The following STX12 variants were observed in gnomAD, a reference collection of about 807,000 sequenced individuals.
The protein encoded by STX12 is syntaxin 12, also known as syntaxin-12.
A neutral mutation model predicts 42.2 loss-of-function variants in STX12; 17 were observed. The observed-to-expected ratio is 0.40, with a 90% CI of 0.28 to 0.60. STX12 has a LOEUF of 0.60. STX12 is among the 20% of genes least tolerant of loss of function. The pLI, the probability that STX12 is intolerant of heterozygous loss-of-function variation, is 0.39. For synonymous variants in STX12, 108 were observed against 116.7 expected (o/e 0.93, Z 0.48); for missense variants, 297 against 330.9 (o/e 0.90, Z 0.79).
Position 27,822,385 on chromosome 1 carries a change from T to G in STX12, c.*56T>G, listed in dbSNP as rs571512235. The stretch of plus-strand genomic sequence containing the variant: ...TTTCAAGGGCAAGTGCTTGTTGAAG[T>G]CTTGCCAGAACAAACTGATCACAAG... On this transcript the variant is annotated 3_prime_UTR_variant, in exon 9 of 9. Coordinates refer to ENST00000373943, the MANE Select transcript of STX12 (RefSeq NM_177424.3). The G allele has an allele frequency of 8.8e-7, 1 of 1,141,294 alleles. No homozygotes were observed. The highest frequency in any genetic ancestry group is 1.3e-6 in the Non-Finnish European group (1 of 748,546). The allele number at this position is 1,141,294 out of a possible 1,614,324, so 70.7% of individuals were successfully genotyped here.
intron 6 of STX12, among the ~76,000 whole-genome samples, chr1:27,816,758 A>T (rs1018350794): frequency 6.6e-6 from 1 of 151,948 alleles, no homozygotes; most frequent in East Asian, 1.9e-4. Flanking sequence ...CTCTACTAAA[A>T]ATAAAAAATT....
chr1:27,792,032 TATAA>T (rs1482899300), intron 2 of STX12, among the ~76,000 whole-genome samples: 2 of 143,574 alleles, frequency 1.4e-5, no homozygotes, highest in Non-Finnish European at 3.0e-5. Context: ...ATATATAAAA[TATAA>T]ATATAGTATA....
chr1:27,776,551 A>C (rs894303180), intron 1 of STX12, among the ~76,000 whole-genome samples: 5 of 151,208 alleles, frequency 3.3e-5, no homozygotes, highest in Admixed American at 6.6e-5. Context: ...CCATCTCTAC[A>C]AAAAAAAAGT....
At chr1:27,783,410 C>G (rs1211773659) in intron 1 of STX12, among the ~76,000 whole-genome samples, 1 of 152,180 alleles carries the variant, frequency 6.6e-6, no homozygotes, top group Non-Finnish European at 1.5e-5. Flanking sequence ...TCTCAGCTTA[C>G]TGCAACCTCC....
chr1:27,773,511 G>C (rs2148594720), intron 1 of STX12, 86 bp downstream of exon 1: 1 of 1,304,228 alleles, frequency 7.7e-7, no homozygotes, highest in Admixed American at 1.9e-5. Flanking sequence ...CCCGGCTGGG[G>C]CTACGGCCGA....
At chr1:27,807,872 C>A (rs1269615590) in intron 4 of STX12, among the ~76,000 whole-genome samples, 1 of 152,122 alleles carries the variant, frequency 6.6e-6, no homozygotes, top group Admixed American at 6.6e-5. Context: ...ACCACAGTTA[C>A]ATTCAGTATC....
At chr1:27,776,931 C>G (rs1233086513) in intron 1 of STX12, among the ~76,000 whole-genome samples, 2 of 152,232 alleles carry the variant, frequency 1.3e-5, no homozygotes, top group Admixed American at 6.5e-5. Context: ...ACTTATTCAT[C>G]TTTATATTTC....
At chr1:27,785,664 A>C (rs1316023357) in intron 1 of STX12, among the ~76,000 whole-genome samples, 1 of 152,216 alleles carries the variant, frequency 6.6e-6, no homozygotes, top group Non-Finnish European at 1.5e-5. Context: ...CCCTGCATCT[A>C]GTTAGTCGTC....
At chr1:27,809,438 G>A (rs1257337352) in intron 4 of STX12, among the ~76,000 whole-genome samples, 1 of 148,644 alleles carries the variant, frequency 6.7e-6, no homozygotes. Context: ...GATTAGCAAC[G>A]TTCTCAAAGA....
intron 3 of STX12, among the ~76,000 whole-genome samples, chr1:27,800,348 C>G (rs114855850): frequency 6.6e-6 from 1 of 152,136 alleles, no homozygotes; most frequent in Non-Finnish European, 1.5e-5. Context: ...TCCTGTAGTA[C>G]CAATTGGATA....
At chr1:27,806,627 CAAT>C (rs2148604937) in intron 4 of STX12, among the ~76,000 whole-genome samples, 1 of 152,272 alleles carries the variant, frequency 6.6e-6, no homozygotes, top group African/African-American at 2.4e-5. Context: ...ATGAAGAATA[CAAT>C]AATACTAGTG....
intron 1 of STX12, among the ~76,000 whole-genome samples, chr1:27,774,976 GGAA>G (rs1399586473): frequency 2.0e-5 from 3 of 152,134 alleles, no homozygotes; most frequent in Non-Finnish European, 4.4e-5. Flanking sequence ...GGAAGTGAAA[GGAA>G]GAATATGTGG....
intron 6 of STX12, among the ~76,000 whole-genome samples, chr1:27,813,322 C>T (rs144099884): frequency 3.9e-5 from 6 of 152,134 alleles, no homozygotes; most frequent in Admixed American, 2.0e-4. Flanking sequence ...ACTACCAGTA[C>T]GCACCACCAC....
chr1:27,797,060 A>C (rs2088790984), intron 3 of STX12, among the ~76,000 whole-genome samples: 2 of 151,500 alleles, frequency 1.3e-5, no homozygotes. Context: ...TGTGTCACCC[A>C]GGCTGGAGTG....
intron 1 of STX12, among the ~76,000 whole-genome samples, chr1:27,788,254 C>T (rs2088712007): frequency 6.6e-6 from 1 of 152,162 alleles, no homozygotes; most frequent in Non-Finnish European, 1.5e-5. Flanking sequence ...TAACTAACTT[C>T]CAACCTCTAT....
intron 3 of STX12, among the ~76,000 whole-genome samples, chr1:27,797,073 G>A (rs1486286205): frequency 1.3e-5 from 2 of 151,578 alleles, no homozygotes; most frequent in African/African-American, 4.9e-5. Flanking sequence ...CTGGAGTGCA[G>A]TGGCGTGATC....
At chr1:27,775,245 T>A (rs1187954192) in intron 1 of STX12, among the ~76,000 whole-genome samples, 1 of 152,130 alleles carries the variant, frequency 6.6e-6, no homozygotes, top group Non-Finnish European at 1.5e-5. Flanking sequence ...CTCCCAAAGG[T>A]AGATCCGACA....
At chr1:27,801,613 G>T in intron 3 of STX12, 65 bp from the exon 4 acceptor site, 2 of 1,422,542 alleles carry the variant, frequency 1.4e-6, no homozygotes, top group Non-Finnish European at 1.8e-6. Context: ...TTACTTTTAA[G>T]GGAAATTAAA....
chr1:27,790,101 C>T (rs2088729044), intron 2 of STX12, among the ~76,000 whole-genome samples: 1 of 152,144 alleles, frequency 6.6e-6, no homozygotes, highest in Non-Finnish European at 1.5e-5. Context: ...TGAAGATGTA[C>T]AGACTTTTTT....
Sources: allele counts gnomAD v4.1 joint callset (sites outside exome capture counted in the v4.1 genomes callset), GRCh38; gene constraint gnomAD v4.1.1; transcripts MANE v1.5; gene names NCBI Gene and HGNC (gene_info 2026-07-23, HGNC 2026-07-21).